The following HUNK variants were observed in gnomAD, a reference collection of about 807,000 sequenced individuals.
HUNK encodes hormonally up-regulated neu tumor-associated kinase.
Under a neutral mutation model 61.0 loss-of-function variants are expected in HUNK, and 21 were observed. The observed-to-expected ratio is 0.34, with a 90% CI of 0.24 to 0.50. The LOEUF (loss-of-function observed/expected upper bound fraction) is 0.50. Ranked by LOEUF, HUNK falls within the 20% of genes least tolerant of loss-of-function variation. HUNK has a pLI of 0.98. For missense variants in HUNK, 772 were observed against 945.7 expected, an observed-to-expected ratio of 0.82 and a Z score of 2.41; for synonymous variants, 371 against 386.1, an observed-to-expected ratio of 0.96 and a Z score of 0.46.
intron 5 of HUNK, among the ~76,000 whole-genome samples, chr21:31,960,364 G>A (rs1157656837): frequency 2.7e-5 from 4 of 149,550 alleles, no homozygotes. Context: ...TGGGACAAGG[G>A]GATAGAGAGT....
intron 1 of HUNK, among the ~76,000 whole-genome samples, chr21:31,897,100 C>T (rs1441492138): frequency 6.6e-6 from 1 of 152,084 alleles, no homozygotes; most frequent in African/African-American, 2.4e-5. Context: ...AAAAATTACC[C>T]AGAAGTGGTG....
intron 1 of HUNK, among the ~76,000 whole-genome samples, chr21:31,886,196 C>A (rs776643925): frequency 1.3e-5 from 2 of 152,030 alleles, no homozygotes; most frequent in African/African-American, 2.4e-5. Context: ...CTGAGGCAGG[C>A]AGATCACCTG....
intron 7 of HUNK, among the ~76,000 whole-genome samples, 197 bp from the exon 8 acceptor site, chr21:31,983,327 ACT>A (rs1204660320): frequency 6.6e-6 from 1 of 152,082 alleles, no homozygotes; most frequent in East Asian, 1.9e-4. Context: ...AGGTGACCTG[ACT>A]CTGCGCCCAG....
intron 1 of HUNK, among the ~76,000 whole-genome samples, chr21:31,883,999 A>G (rs2052328487): frequency 1.3e-5 from 2 of 152,190 alleles, no homozygotes; most frequent in Non-Finnish European, 2.9e-5. Context: ...CTGGATTGCA[A>G]GGGAGAGGCA....
intron 1 of HUNK, among the ~76,000 whole-genome samples, chr21:31,900,896 C>T (rs1001951621): frequency 3.3e-5 from 5 of 152,222 alleles, no homozygotes; most frequent in South Asian, 2.1e-4. Context: ...AACTGTCTCA[C>T]GGTAACCCAG....
In HUNK at chr21:31,958,989, T is replaced by C. The variant is rs77111424; in HGVS notation, c.874+19T>C. 1.3e-3 allele frequency: 2,022 copies of C among 1,584,536 alleles called. 21 individuals are homozygous for C. In the African/African-American group the frequency reaches 0.024, roughly 19 times the overall value. On this transcript the variant is annotated intron_variant, in intron 5 of 10. Coordinates refer to ENST00000270112, the MANE Select transcript of HUNK (RefSeq NM_014586.2). ...TCCACAGGTAATGCACCAGCTGCTC[T>C]AGATCACGGTTCAGGACTGCTGTCG...
At chr21:31,923,026 A>G (rs2052633175) in intron 1 of HUNK, among the ~76,000 whole-genome samples, 1 of 152,166 alleles carries the variant, frequency 6.6e-6, no homozygotes, top group Non-Finnish European at 1.5e-5. Flanking sequence ...GGTTGGAATG[A>G]ACCAGGCGGG....
chr21:31,925,088 G>A (rs1308933543), intron 2 of HUNK, among the ~76,000 whole-genome samples: 3 of 152,006 alleles, frequency 2.0e-5, no homozygotes, highest in South Asian at 2.1e-4. Flanking sequence ...TAGTAGAGAC[G>A]GGGTTTCACC....
intron 9 of HUNK, among the ~76,000 whole-genome samples, chr21:31,992,913 G>A (rs894340091): frequency 2.0e-5 from 3 of 152,186 alleles, no homozygotes; most frequent in Admixed American, 6.5e-5. Context: ...GTTTGTCCCC[G>A]ACAGGGAGCA....
chr21:31,902,518 A>C (rs1177198031), intron 1 of HUNK, among the ~76,000 whole-genome samples: 4 of 152,164 alleles, frequency 2.6e-5, no homozygotes, highest in Non-Finnish European at 5.9e-5. Flanking sequence ...CTCCAAAAAA[A>C]AAAATCTTCT....
intron 9 of HUNK, among the ~76,000 whole-genome samples, chr21:31,990,658 C>A (rs2053166501): frequency 6.6e-6 from 1 of 151,936 alleles, no homozygotes. Flanking sequence ...GCCTCAGCCT[C>A]CCGAGTAGCT....
chr21:31,959,429 G>A (rs374048542), intron 5 of HUNK, among the ~76,000 whole-genome samples: 2 of 152,158 alleles, frequency 1.3e-5, no homozygotes, highest in East Asian at 3.8e-4. Context: ...TGTGAGTTGA[G>A]GTTTTGAGCC....
intron 4 of HUNK, among the ~76,000 whole-genome samples, chr21:31,956,139 G>C (rs1461551828): frequency 6.6e-6 from 1 of 152,228 alleles, no homozygotes; most frequent in Non-Finnish European, 1.5e-5. Flanking sequence ...ACCCAGAAAG[G>C]TGGGAAGATC....
chr21:31,995,338 A>G (rs1389546103), intron 9 of HUNK, among the ~76,000 whole-genome samples: 5 of 152,326 alleles, frequency 3.3e-5, no homozygotes, highest in Non-Finnish European at 7.3e-5. Flanking sequence ...ACTGCCCCAA[A>G]TAGAACCTGA....
At chr21:31,989,499 A>C (rs1481288059) in intron 8 of HUNK, among the ~76,000 whole-genome samples, 1 of 152,084 alleles carries the variant, frequency 6.6e-6, no homozygotes, top group Non-Finnish European at 1.5e-5. Context: ...GGATCACTTG[A>C]GGTCAGGAGT....
At chr21:31,975,991 GATTGTGCTTCC>G (rs1419363509) in intron 7 of HUNK, among the ~76,000 whole-genome samples, 69 of 152,356 alleles carry the variant, frequency 4.5e-4, no homozygotes, top group African/African-American at 1.3e-3. Flanking sequence ...ATATTGGCTA[GATTGTGCTTCC>G]ATTGTGCTTC....
chr21:31,905,013 G>A (rs1438379834), intron 1 of HUNK, among the ~76,000 whole-genome samples: 1 of 151,742 alleles, frequency 6.6e-6, no homozygotes, highest in Non-Finnish European at 1.5e-5. Flanking sequence ...GGGAGGCAGA[G>A]GTTGCAGTGA....
intron 8 of HUNK, among the ~76,000 whole-genome samples, chr21:31,986,388 G>T (rs1387191851): frequency 6.6e-6 from 1 of 151,790 alleles, no homozygotes; most frequent in African/African-American, 2.4e-5. Flanking sequence ...CCCACACCTG[G>T]TCCCAGCCAC....
intron 2 of HUNK, among the ~76,000 whole-genome samples, chr21:31,934,184 G>A (rs1046473979): frequency 6.6e-5 from 10 of 151,082 alleles, no homozygotes; most frequent in Admixed American, 4.6e-4. Flanking sequence ...GGCTGGGCGC[G>A]GTGGCTCACT....
Sources: gnomAD v4.1 joint callset for allele counts (sites outside exome capture counted in the v4.1 genomes callset) on GRCh38, gnomAD v4.1.1 for gene constraint, MANE v1.5 for transcripts, NCBI Gene and HGNC (gene_info 2026-07-23, HGNC 2026-07-21) for gene names.